LCLAT1: variants seen among roughly 807,000 people sequenced by gnomAD.
LCLAT1 encodes lysocardiolipin acyltransferase 1.
In LCLAT1, 11 loss-of-function variants were observed where a neutral mutation model predicts 30.7. The observed-to-expected ratio is 0.36, with a 90% CI of 0.23 to 0.59. The LOEUF (loss-of-function observed/expected upper bound fraction) is 0.59, where lower values mean the gene tolerates loss of function less well. LCLAT1 is among the 20% of genes least tolerant of loss of function. The pLI, the probability that LCLAT1 is intolerant of heterozygous loss-of-function variation, is 0.77. For synonymous variants in LCLAT1, 155 were observed against 151.3 expected, an observed-to-expected ratio of 1.02 and a Z score of -0.18; for missense variants, 402 against 458.6, an observed-to-expected ratio of 0.88 and a Z score of 1.13.
At chr2:30,472,447 A>G (rs553791031) in intron 1 of LCLAT1, among the ~76,000 whole-genome samples, 3 of 152,324 alleles carry the variant, frequency 2.0e-5, no homozygotes, top group South Asian at 4.1e-4. Context: ...GTTTATAAAC[A>G]TCAACCAGTT....
chr2:30,553,677 C>T (rs1013454191), intron 3 of LCLAT1, among the ~76,000 whole-genome samples: 8 of 151,692 alleles, frequency 5.3e-5, no homozygotes, highest in Non-Finnish European at 8.8e-5. Flanking sequence ...TAGCCGGGCG[C>T]GGTGGTGGGC....
At chr2:30,544,330 A>T (rs1664294079) in intron 3 of LCLAT1, among the ~76,000 whole-genome samples, 3 of 152,312 alleles carry the variant, frequency 2.0e-5, no homozygotes, top group African/African-American at 7.2e-5. Context: ...GAAACTGCTT[A>T]AGGACTTTTT....
At chr2:30,480,047 A>G (rs1683247243) in intron 1 of LCLAT1, among the ~76,000 whole-genome samples, 1 of 152,204 alleles carries the variant, frequency 6.6e-6, no homozygotes, top group African/African-American at 2.4e-5. Flanking sequence ...TAAACCTTTG[A>G]AAACACATTG....
chr2:30,591,667 A>C (rs1180962095), intron 5 of LCLAT1, among the ~76,000 whole-genome samples: 3 of 152,202 alleles, frequency 2.0e-5, no homozygotes, highest in Non-Finnish European at 4.4e-5. Flanking sequence ...TGAAAAAACC[A>C]AAGTTAATAA....
chr2:30,558,705 T>A (rs766773751), intron 3 of LCLAT1, among the ~76,000 whole-genome samples: 1 of 151,818 alleles, frequency 6.6e-6, no homozygotes, highest in Non-Finnish European at 1.5e-5. Context: ...CTCCTAAGAT[T>A]AAGTGTCGGG....
chr2:30,611,729 C>T (rs570899421), intron 5 of LCLAT1, among the ~76,000 whole-genome samples: 8 of 152,260 alleles, frequency 5.3e-5, no homozygotes, highest in African/African-American at 1.7e-4. Context: ...CAAAGAAGAG[C>T]TTACTTCATC....
At chr2:30,574,310 T>C (rs1190955493) in intron 5 of LCLAT1, among the ~76,000 whole-genome samples, 1 of 152,206 alleles carries the variant, frequency 6.6e-6, no homozygotes, top group Non-Finnish European at 1.5e-5. Flanking sequence ...GTCCCTGAGC[T>C]TTCTGTACCT....
intron 3 of LCLAT1, among the ~76,000 whole-genome samples, chr2:30,555,002 A>G (rs921251802): frequency 6.6e-6 from 1 of 152,158 alleles, no homozygotes; most frequent in Non-Finnish European, 1.5e-5. Flanking sequence ...GGAAGAGTTT[A>G]TCAACTGCTG....
intron 3 of LCLAT1, among the ~76,000 whole-genome samples, chr2:30,546,045 T>G (rs941487403): frequency 1.3e-5 from 2 of 152,194 alleles, no homozygotes; most frequent in Non-Finnish European, 2.9e-5. Flanking sequence ...CATTCTGCAA[T>G]GTAGTGTAGT....
intron 1 of LCLAT1, among the ~76,000 whole-genome samples, chr2:30,482,208 T>C (rs1045016820): frequency 3.3e-5 from 5 of 152,240 alleles, no homozygotes; most frequent in Admixed American, 1.3e-4. Context: ...GGCAGTTATG[T>C]ACATGTTCTT....
At chr2:30,523,203 G>C (rs371346090) in intron 1 of LCLAT1, among the ~76,000 whole-genome samples, 8 of 151,742 alleles carry the variant, frequency 5.3e-5, no homozygotes, top group Non-Finnish European at 1.2e-4. Flanking sequence ...TTGCAGGACT[G>C]GGGGGCGGGG....
intron 5 of LCLAT1, among the ~76,000 whole-genome samples, chr2:30,583,957 A>G (rs1666314617): frequency 6.6e-6 from 1 of 151,998 alleles, no homozygotes; most frequent in East Asian, 1.9e-4. Flanking sequence ...CAGGTTTGTT[A>G]CTTAGGGATA....
chr2:30,448,104 C>T (rs1354009486), intron 1 of LCLAT1, among the ~76,000 whole-genome samples: 1 of 152,212 alleles, frequency 6.6e-6, no homozygotes, highest in Non-Finnish European at 1.5e-5. Flanking sequence ...CAGGTGGCTT[C>T]CCTGGAAATA....
At chr2:30,456,424 C>G (rs1033103770) in intron 1 of LCLAT1, among the ~76,000 whole-genome samples, 1 of 69,628 alleles carries the variant, frequency 1.4e-5, no homozygotes, top group Non-Finnish European at 4.2e-5. Flanking sequence ...CTTATTACCA[C>G]CTGGCAGGGA....
At chr2:30,493,489 T>TA (rs1270153713) in intron 1 of LCLAT1, among the ~76,000 whole-genome samples, 1 of 152,244 alleles carries the variant, frequency 6.6e-6, no homozygotes, top group Admixed American at 6.5e-5. Flanking sequence ...GGAATATTGT[T>TA]ATACCAAGCA....
chr2:30,517,380 C>T (rs770903122), intron 1 of LCLAT1, among the ~76,000 whole-genome samples: 45 of 152,182 alleles, frequency 3.0e-4, no homozygotes, highest in Non-Finnish European at 5.6e-4. Context: ...ACCCGTTCCT[C>T]ACCACCCTTG....
intron 2 of LCLAT1, among the ~76,000 whole-genome samples, chr2:30,527,702 C>T (rs1046530162): frequency 2.0e-5 from 3 of 152,126 alleles, no homozygotes; most frequent in Non-Finnish European, 4.4e-5. Flanking sequence ...AGTCTTAATA[C>T]TACCTACTTA....
intron 1 of LCLAT1, among the ~76,000 whole-genome samples, chr2:30,452,126 T>C (rs981962216): frequency 1.3e-5 from 2 of 152,158 alleles, no homozygotes; most frequent in African/African-American, 4.8e-5. Context: ...TGGCAACATT[T>C]TATATGTTGA....
At chr2:30,525,514 TC>T (rs1300867124) in intron 1 of LCLAT1, 72 bp from the exon 2 acceptor site, 15 of 1,145,774 alleles carry the variant, frequency 1.3e-5, no homozygotes, top group Non-Finnish European at 1.8e-5. Context: ...CATTCTATGC[TC>T]CATCATCCTG....
Sources: allele counts gnomAD v4.1 joint callset (sites outside exome capture counted in the v4.1 genomes callset), GRCh38; gene constraint gnomAD v4.1.1; transcripts MANE v1.5; gene names NCBI Gene and HGNC (gene_info 2026-07-23, HGNC 2026-07-21).